Variants in METTL22 observed in about 807,000 individuals in gnomAD.
METTL22 encodes the protein methyltransferase-like protein 22.
Under a neutral mutation model 48.4 loss-of-function variants are expected in METTL22, and 51 were observed. The observed-to-expected ratio is 1.05, with a 90% CI of 0.84 to 1.33. The LOEUF is 1.33. Among genes scored for constraint, METTL22 ranks in the 40% most tolerant of loss-of-function variants. The probability of loss-of-function intolerance (pLI) is 0.00; values close to 1 mark genes in which losing one functional copy is unlikely to be tolerated. For missense variants in METTL22, 678 were observed against 526.9 expected, an observed-to-expected ratio of 1.29 and a Z score of -2.81; for synonymous variants, 255 against 214.1, an observed-to-expected ratio of 1.19 and a Z score of -1.67.
Position 8,623,054 on chromosome 16 carries a change from C to G in METTL22, c.-171+1279C>G, listed in dbSNP as rs1260427201. On this transcript the variant is annotated intron_variant, in intron 1 of 10. Transcript: ENST00000381920. ...ATAGGCCATGCCTGGTGGCTCACAC[C>G]TATAATCCCAGCACTTTGGGAGGCC... is the stretch of plus-strand genomic sequence containing the variant. Among the ~76,000 whole-genome samples the G allele has an allele frequency of 2.0e-5, 3 of 152,172 alleles. No homozygotes were observed. In the East Asian group the frequency reaches 5.8e-4, roughly 29 times the overall value.
intron 9 of METTL22, chr16:8,642,879 A>C: frequency 2.5e-6 from 1 of 399,370 alleles, no homozygotes; most frequent in Non-Finnish European, 4.7e-6. Flanking sequence ...TGGAACCTCA[A>C]CGCTTGGCCA....
At position 8,644,629 on chromosome 16, in the gene METTL22, G is replaced by C. The variant is rs778143938; in HGVS notation, c.1083G>C (p.Ala361=). ...ATCACTTCCGCTCCTGCCTGCACGC[G>C]CTGGAGCAGCTCGCAGATGGCAAGC... ...AYDHFRSCLH[A]LEQLADGKLR... is the part of the protein sequence containing the mutation. The change falls in exon 10 of 11, where the codon GCG becomes GCC. Residue 361 remains alanine (A), a synonymous_variant. Coordinates refer to ENST00000381920, the MANE Select transcript of METTL22 (RefSeq NM_024109.4). 2 of 1,606,194 alleles carry C rather than the reference G, an allele frequency of 1.2e-6. No homozygotes were observed. The highest frequency in any genetic ancestry group is 1.7e-6 in the Non-Finnish European group (2 of 1,176,436).
At chr16:8,644,134 G>A (rs2056709192) in intron 9 of METTL22, among the ~76,000 whole-genome samples, 2 of 152,136 alleles carry the variant, frequency 1.3e-5, no homozygotes, top group African/African-American at 4.8e-5. Flanking sequence ...TCTGTTCTCT[G>A]TGCTCCCGGA....
intron 10 of METTL22, 116 bp from the exon 11 acceptor site, chr16:8,645,992 C>G: frequency 1.3e-6 from 2 of 1,517,636 alleles, no homozygotes; most frequent in Non-Finnish European, 1.8e-6. Context: ...AGCTCGCCTG[C>G]TCCGTGGCTG....
chr16:8,656,206 C>G, the METTL22 span, among the ~76,000 whole-genome samples: 67 of 152,256 alleles, frequency 4.4e-4, no homozygotes, highest in African/African-American at 1.4e-3. Context: ...CTCAGCCTCC[C>G]AAGGAGCTAG....
the METTL22 span, chr16:8,666,736 C>A: frequency 6.6e-6 from 1 of 151,892 alleles, no homozygotes; most frequent in Non-Finnish European, 1.5e-5. Context: ...AGGATATAAC[C>A]ATTCTGCCAT....
the METTL22 span, among the ~76,000 whole-genome samples, chr16:8,663,406 G>T: frequency 6.6e-6 from 1 of 152,026 alleles, no homozygotes; most frequent in Non-Finnish European, 1.5e-5. Flanking sequence ...GACTGACAGG[G>T]TGGGTTATTT....
chr16:8,651,438 A>G (rs187095774), downstream of METTL22, among the ~76,000 whole-genome samples: 41 of 150,060 alleles, frequency 2.7e-4, no homozygotes, highest in Non-Finnish European at 5.2e-4. Flanking sequence ...GCCTAGAGTC[A>G]TACTTGGCCC....
rs568445429 is a variant in METTL22 at position 8,646,535 on chromosome 16, T to C, written c.*392T>C. The C allele has an allele frequency of 4.0e-6, 2 of 494,458 alleles. No homozygotes were observed. Among genetic ancestry groups the C allele is most frequent in the Non-Finnish European group, 7.9e-6 (2 of 252,408 alleles). 30.6% of individuals were successfully genotyped at this position (494,458 alleles called of 1,614,324 possible). On this transcript the variant is annotated 3_prime_UTR_variant, in exon 11 of 11. Coordinates refer to ENST00000381920, the MANE Select transcript of METTL22 (RefSeq NM_024109.4). ...GTCAGCTGTTTACAGATGGGTTGACTACCACTGCCAGTATTGCCATCATAT... is the reference window on the plus strand; with the variant it reads ...GTCAGCTGTTTACAGATGGGTTGACCACCACTGCCAGTATTGCCATCATAT...
the METTL22 span, among the ~76,000 whole-genome samples, chr16:8,659,851 A>G: frequency 6.6e-6 from 1 of 151,484 alleles, no homozygotes; most frequent in Non-Finnish European, 1.5e-5. Context: ...AGCCCCACCA[A>G]GTAGCTGGGA....
chr16:8,641,760 A>G (rs1459677438), intron 7 of METTL22: 1 of 415,874 alleles, frequency 2.4e-6, no homozygotes, highest in Non-Finnish European at 4.5e-6. Flanking sequence ...CCTGTGAGGA[A>G]GTAGTACTGT....
chr16:8,622,860 G>A (rs926664330), intron 1 of METTL22, among the ~76,000 whole-genome samples: 1 of 152,162 alleles, frequency 6.6e-6, no homozygotes, highest in African/African-American at 2.4e-5. Flanking sequence ...TTCTTGGGAA[G>A]CCTGGTTGGG....
intron 10 of METTL22, among the ~76,000 whole-genome samples, chr16:8,645,356 G>T (rs551782559): frequency 6.6e-6 from 1 of 152,184 alleles, no homozygotes; most frequent in Non-Finnish European, 1.5e-5. Context: ...AATTCGTGTG[G>T]TTTTGTGTGC....
chr16:8,652,838 G>A (rs1469498186), downstream of METTL22, among the ~76,000 whole-genome samples: 1 of 152,122 alleles, frequency 6.6e-6, no homozygotes, highest in African/African-American at 2.4e-5. Flanking sequence ...ACACATCTTG[G>A]CTGTCGGCTG....
intron 5 of METTL22, among the ~76,000 whole-genome samples, chr16:8,637,491 T>A (rs1209808337): frequency 1.3e-5 from 2 of 152,204 alleles, no homozygotes; most frequent in Non-Finnish European, 2.9e-5. Flanking sequence ...AAAAGTCCTT[T>A]CAGATGCATC....
intron 5 of METTL22, 143 bp downstream of exon 5, chr16:8,635,455 A>T: frequency 2.0e-6 from 2 of 989,152 alleles, no homozygotes; most frequent in Non-Finnish European, 1.4e-6. Context: ...GGCCCTCTCC[A>T]CTCTCCATTT....
intron 8 of METTL22, 80 bp from the exon 9 acceptor site, chr16:8,642,383 C>CAGAGCAA: frequency 7.3e-7 from 1 of 1,371,598 alleles, no homozygotes; most frequent in Non-Finnish European, 1.0e-6. Context: ...AGCATTCTCT[C>CAGAGCAA]TGTGCGGATT....
chr16:8,652,201 G>T (rs188332286), downstream of METTL22, among the ~76,000 whole-genome samples: 2 of 152,080 alleles, frequency 1.3e-5, no homozygotes, highest in African/African-American at 4.8e-5. Flanking sequence ...GCTCAAGCCT[G>T]TTATCCCAGC....
intron 10 of METTL22, chr16:8,645,905 C>T: frequency 1.0e-6 from 1 of 984,812 alleles, no homozygotes; most frequent in Non-Finnish European, 1.2e-6. Flanking sequence ...TTCATCCATC[C>T]AGCCTCTCTG....
Sources: allele counts gnomAD v4.1 joint callset (sites outside exome capture counted in the v4.1 genomes callset), GRCh38; gene constraint gnomAD v4.1.1; transcripts MANE v1.5; gene names NCBI Gene and HGNC (gene_info 2026-07-23, HGNC 2026-07-21).